Variants in ANKHD1 observed in about 807,000 individuals in gnomAD.
ANKHD1 encodes the protein ankyrin repeat and KH domain containing 1, also known as ankyrin repeat and KH domain-containing protein 1.
A neutral mutation model predicts 230.5 loss-of-function variants in ANKHD1; 31 were observed. That is an observed-to-expected ratio of 0.13 (90% CI 0.10 to 0.18). ANKHD1 has a LOEUF of 0.18. Ranked by LOEUF, ANKHD1 falls within the 10% of genes least tolerant of loss-of-function variation. ANKHD1 has a pLI of 1.00. For missense variants in ANKHD1, 2,256 were observed against 3,071.3 expected (o/e 0.73, Z 6.27); for synonymous variants, 1,074 against 1,117.6 (o/e 0.96, Z 0.78).
At chr5:140,437,124 C>T (rs956439060) in intron 2 of ANKHD1, among the ~76,000 whole-genome samples, 3 of 152,086 alleles carry the variant, frequency 2.0e-5, no homozygotes, top group African/African-American at 7.2e-5. Context: ...AGGAATAATA[C>T]ACAAAATACA....
intron 20 of ANKHD1, 57 bp downstream of exon 20, chr5:140,508,055 C>T: frequency 6.4e-7 from 1 of 1,554,572 alleles, no homozygotes; most frequent in Non-Finnish European, 8.7e-7. Context: ...AAGAACATGG[C>T]ATTTTAACGC....
chr5:140,435,995 T>G, intron 1 of ANKHD1, 109 bp from the exon 2 acceptor site: 1 of 1,310,368 alleles, frequency 7.6e-7, no homozygotes, highest in Non-Finnish European at 1.0e-6. Context: ...TAATAATTTT[T>G]CTGCTTATAT....
In ANKHD1 at chr5:140,477,362, A is replaced by G. The variant is rs1751024838; in HGVS notation, c.1783-5218A>G. ...AAACTGATGAATCAAACATAAAATG[A>G]TTGTTAAAAATCAAACAATTTTTTA... is the stretch of plus-strand genomic sequence containing the variant. On this transcript the variant is annotated intron_variant, in intron 10 of 33. Coordinates refer to ENST00000360839, the MANE Select transcript of ANKHD1 (RefSeq NM_017747.3). Among the ~76,000 whole-genome samples, 3 of 152,212 alleles carry G rather than the reference A, an allele frequency of 2.0e-5. 1 individual carries two copies. In the South Asian group the frequency reaches 6.2e-4, roughly 31 times the overall value.
intron 4 of ANKHD1, among the ~76,000 whole-genome samples, chr5:140,440,603 C>A (rs1317826211): frequency 6.6e-6 from 1 of 152,114 alleles, no homozygotes; most frequent in South Asian, 2.1e-4. Flanking sequence ...ATTCAGGTTA[C>A]CCCAATTCTT....
intron 1 of ANKHD1, among the ~76,000 whole-genome samples, chr5:140,403,317 C>CT (rs1770140635): frequency 6.6e-6 from 1 of 152,182 alleles, no homozygotes; most frequent in Admixed American, 6.5e-5. Flanking sequence ...TTCTTTAACT[C>CT]TTCTGTGTGT....
At chr5:140,528,138 T>C (rs537762639) in intron 28 of ANKHD1, 46 bp from the exon 29 acceptor site, 1 of 1,537,350 alleles carries the variant, frequency 6.5e-7, no homozygotes, top group African/African-American at 1.4e-5. Context: ...CTTTTTTTTT[T>C]TTTTTAATGT....
At chr5:140,455,613 C>T (rs536099477) in intron 7 of ANKHD1, among the ~76,000 whole-genome samples, 169 of 152,238 alleles carry the variant, frequency 1.1e-3, no homozygotes, top group African/African-American at 3.0e-3. Flanking sequence ...AAGACAAAAA[C>T]CACATGATTA....
At position 140,528,464 on chromosome 5, in the gene ANKHD1, C is replaced by T. The variant is rs1176018371; in HGVS notation, c.5518C>T (p.Arg1840Cys). ...KLNKNVPTNV[R>C]SSFPVSLPLA... Reference sequence around the variant, plus strand: ...TAATAAGAATGTTCCAACAAATGTACGTTCTTCTTTCCCAGTTTCTCTACC... The same window carrying T: ...TAATAAGAATGTTCCAACAAATGTATGTTCTTCTTTCCCAGTTTCTCTACC... The change falls in exon 29 of 34, where the codon CGT becomes TGT. Residue 1840 changes from arginine (R) to cysteine (C), a missense_variant. Arg to Cys is a radical substitution (Grantham distance 180). Transcript: ENST00000360839. 7 of 1,614,036 alleles carry T rather than the reference C, an allele frequency of 4.3e-6. No homozygotes were observed. The African/African-American group carries it at 5.3e-5, about 12-fold the overall frequency.
intron 1 of ANKHD1, among the ~76,000 whole-genome samples, chr5:140,427,552 AC>A (rs1229484273): frequency 9.4e-6 from 1 of 106,380 alleles, no homozygotes; most frequent in Non-Finnish European, 1.9e-5. Flanking sequence ...CGGGGGGCTG[AC>A]CCCCCCACCT....
intron 10 of ANKHD1, among the ~76,000 whole-genome samples, chr5:140,479,498 G>A (rs1751149388): frequency 1.3e-5 from 2 of 151,850 alleles, no homozygotes; most frequent in Non-Finnish European, 2.9e-5. Context: ...ATGCTCATAA[G>A]TAGTACGATG....
chr5:140,401,922 G>T lies in ANKHD1; in HGVS notation c.-46G>T, dbSNP rs568384446. The T allele has an allele frequency of 2.1e-3, 3,167 of 1,527,306 alleles. 3 individuals are homozygous for T. Among genetic ancestry groups the T allele is most frequent in the Admixed American group, 3.2e-3 (144 of 44,458 alleles). The allele number at this position is 1,527,306 out of a possible 1,614,324, so 94.6% of individuals were successfully genotyped here. ...CTCGTTCCCGAGATCAGCGGCGGCG[G>T]TGACCGCGAGTGGGTCGGCACCGTC... On this transcript the variant is annotated 5_prime_UTR_variant, in exon 1 of 34. Coordinates refer to ENST00000360839, the MANE Select transcript of ANKHD1 (RefSeq NM_017747.3).
In ANKHD1 at chr5:140,526,442, C is replaced by G. The variant is rs982729649; in HGVS notation, c.4939C>G (p.Arg1647Gly). 1 of 1,599,984 alleles carries G rather than the reference C, an allele frequency of 6.3e-7. No individual in the cohort carries two copies. Among genetic ancestry groups the G allele is most frequent in the Non-Finnish European group, 8.5e-7 (1 of 1,173,984 alleles). The change falls in exon 26 of 34, where the codon CGA (arginine) becomes GGA (glycine). Residue 1647 changes from arginine to glycine, a missense_variant and splice_region_variant. Coordinates refer to ENST00000360839, the MANE Select transcript of ANKHD1 (RefSeq NM_017747.3). ...TSTATSKTQT[R>G]LEGEVTPNSL... ...TACTGCTACTTCCAAAACTCAGACA[C>G]GGTAAATTTTTCTGATTTGTTAACT... is the stretch of plus-strand genomic sequence containing the variant.
chr5:140,531,793 T>C (rs1049164256), intron 29 of ANKHD1, among the ~76,000 whole-genome samples: 1 of 152,158 alleles, frequency 6.6e-6, no homozygotes, highest in Non-Finnish European at 1.5e-5. Context: ...GGCACACCAA[T>C]GTTCATAGCA....
At chr5:140,436,278 T>C in intron 2 of ANKHD1, 21 bp downstream of exon 2, 1 of 1,517,282 alleles carries the variant, frequency 6.6e-7, no homozygotes, top group Non-Finnish European at 8.8e-7. Context: ...TTTTGTTTTA[T>C]CTTTTTCATA....
intron 18 of ANKHD1, 64 bp downstream of exon 18, chr5:140,505,933 TC>T: frequency 1.3e-6 from 2 of 1,518,834 alleles, no homozygotes; most frequent in Non-Finnish European, 1.8e-6. Context: ...TGCATATGAT[TC>T]GTATTTTAGC....
At chr5:140,509,862 T>C in intron 21 of ANKHD1, 50 bp downstream of exon 21, 1 of 1,572,586 alleles carries the variant, frequency 6.4e-7, no homozygotes, top group Non-Finnish European at 8.6e-7. Flanking sequence ...ATTTTCACTT[T>C]TCAGAGCTTT....
At chr5:140,538,006 A>G in intron 31 of ANKHD1, 80 bp from the exon 32 acceptor site, 1 of 1,511,428 alleles carries the variant, frequency 6.6e-7, no homozygotes. Context: ...ACATTTGGTC[A>G]TGTTTGGTAA....
chr5:140,442,365 AGTCCCCAACCTT>A (rs1773924903), intron 5 of ANKHD1, among the ~76,000 whole-genome samples: 1 of 152,056 alleles, frequency 6.6e-6, no homozygotes, highest in Non-Finnish European at 1.5e-5. Context: ...GTATAGCAAC[AGTCCCCAACCTT>A]TTTGACACCA....
chr5:140,529,039 G>A lies in ANKHD1; in HGVS notation c.6093G>A (p.Val2031=). The A allele has an allele frequency of 6.2e-7, 1 of 1,614,020 alleles. No individual in the cohort carries two copies. The highest frequency in any genetic ancestry group is 1.1e-5 in the South Asian group (1 of 91,084). ...CTGTGCCACCCACCAAAGAGAAAGTGTCCACACAGGACCAGCCCATGGCAA... is the reference window on the plus strand; with the variant it reads ...CTGTGCCACCCACCAAAGAGAAAGTATCCACACAGGACCAGCCCATGGCAA... ...FSAVPPTKEK[V]STQDQPMANL... is the part of the protein sequence containing the mutation. The change falls in exon 29 of 34, where the codon GTG becomes GTA. Residue 2031 remains valine, a synonymous_variant. Coordinates refer to ENST00000360839, the MANE Select transcript of ANKHD1 (RefSeq NM_017747.3).
Sources: gnomAD v4.1 joint callset for allele counts (sites outside exome capture counted in the v4.1 genomes callset) on GRCh38, gnomAD v4.1.1 for gene constraint, MANE v1.5 for transcripts, NCBI Gene and HGNC (gene_info 2026-07-23, HGNC 2026-07-21) for gene names.